DLG1: variants seen among roughly 807,000 people sequenced by gnomAD.
The protein encoded by DLG1 is disks large homolog 1.
DLG1 carries 42 observed loss-of-function variants against 123.4 expected under a neutral mutation model. That is an observed-to-expected ratio of 0.34 (90% CI 0.27 to 0.44). The LOEUF is 0.44. DLG1 is among the 20% of genes least tolerant of loss of function. The pLI, the probability that DLG1 is intolerant of heterozygous loss-of-function variation, is 1.00. For synonymous variants in DLG1, 317 were observed against 356.2 expected (o/e 0.89, Z 1.24); for missense variants, 942 against 1,082.6 (o/e 0.87, Z 1.82).
intron 4 of DLG1, among the ~76,000 whole-genome samples, chr3:197,245,298 C>T (rs974110330): frequency 3.0e-4 from 45 of 152,080 alleles, no homozygotes; most frequent in African/African-American, 9.4e-4. Flanking sequence ...AGTGTCTTAA[C>T]TACATTGTTG....
chr3:197,113,898 G>A (rs1327976912), intron 13 of DLG1, among the ~76,000 whole-genome samples: 3 of 152,050 alleles, frequency 2.0e-5, no homozygotes, highest in Admixed American at 6.5e-5. Context: ...CAGGAATATC[G>A]TTTGAGCCCG....
At chr3:197,201,383 C>CA (rs1181986255) in intron 4 of DLG1, among the ~76,000 whole-genome samples, 8 of 151,954 alleles carry the variant, frequency 5.3e-5, no homozygotes, top group Non-Finnish European at 8.8e-5. Context: ...GACTCCGTCT[C>CA]AAAAAACAAA....
Position 197,136,566 on chromosome 3 carries a change from A to C in DLG1, c.996T>G (p.Leu332=). 2 of 1,612,398 alleles carry C rather than the reference A, an allele frequency of 1.2e-6. No individual in the cohort carries two copies. Among genetic ancestry groups the C allele is most frequent in the Non-Finnish European group, 1.7e-6 (2 of 1,179,374 alleles). Residue 332 remains leucine, a synonymous_variant, in exon 10 of 25, where the codon CTT becomes CTG. Coordinates refer to ENST00000667157, the MANE Select transcript of DLG1 (RefSeq NM_001366207.1). Reference sequence around the variant, plus strand: ...CTGCTAAAAGTTTATCTCCAATCTGAAGTTTGCCATCCTTATGTGCTGCAC... The same window carrying C: ...CTGCTAAAAGTTTATCTCCAATCTGCAGTTTGCCATCCTTATGTGCTGCAC... The part of the protein sequence containing the change: ...EGGAAHKDGK[L]QIGDKLLAVN...
At chr3:197,189,074 T>C (rs1717758224) in intron 5 of DLG1, among the ~76,000 whole-genome samples, 1 of 152,222 alleles carries the variant, frequency 6.6e-6, no homozygotes, top group African/African-American at 2.4e-5. Flanking sequence ...TACAATTCTA[T>C]CAGAATACAA....
chr3:197,228,903 A>G (rs939044445), intron 4 of DLG1, among the ~76,000 whole-genome samples: 3 of 152,226 alleles, frequency 2.0e-5, no homozygotes, highest in African/African-American at 7.2e-5. Context: ...CAGAAAAATT[A>G]TCAAAAGCTT....
intron 3 of DLG1, among the ~76,000 whole-genome samples, chr3:197,286,788 G>C (rs1447253423): frequency 6.6e-6 from 1 of 152,022 alleles, no homozygotes; most frequent in African/African-American, 2.4e-5. Flanking sequence ...GAGTGCAATG[G>C]TATGATCATG....
chr3:197,139,155 A>G (rs1786639446), intron 8 of DLG1, among the ~76,000 whole-genome samples: 1 of 152,170 alleles, frequency 6.6e-6, no homozygotes, highest in South Asian at 2.1e-4. Context: ...CCTTTTCCCT[A>G]GTTCTGGTCT....
chr3:197,196,448 A>C (rs752831795), intron 4 of DLG1, among the ~76,000 whole-genome samples: 24 of 152,098 alleles, frequency 1.6e-4, no homozygotes, highest in Non-Finnish European at 3.5e-4. Context: ...AACATAGAAA[A>C]CCTAACACAG....
intron 5 of DLG1, among the ~76,000 whole-genome samples, chr3:197,159,587 A>G: frequency 6.6e-6 from 1 of 152,310 alleles, no homozygotes; most frequent in East Asian, 1.9e-4. Context: ...TATTCACTTA[A>G]TATGTTGAAA....
At chr3:197,292,121 A>G (rs776052959) in intron 3 of DLG1, among the ~76,000 whole-genome samples, 4 of 152,192 alleles carry the variant, frequency 2.6e-5, no homozygotes, top group Non-Finnish European at 5.9e-5. Flanking sequence ...TTCTGGGTAA[A>G]TATCCAAAAG....
chr3:197,125,880 C>A (rs1241448121), intron 11 of DLG1, among the ~76,000 whole-genome samples: 1 of 152,174 alleles, frequency 6.6e-6, no homozygotes, highest in Non-Finnish European at 1.5e-5. Flanking sequence ...AACACCAGAT[C>A]ACCACAGCCA....
intron 4 of DLG1, among the ~76,000 whole-genome samples, chr3:197,201,457 G>T (rs1232691980): frequency 6.6e-6 from 1 of 152,218 alleles, no homozygotes; most frequent in African/African-American, 2.4e-5. Context: ...AATGAATTCA[G>T]TAAAGTTTCA....
intron 13 of DLG1, among the ~76,000 whole-genome samples, chr3:197,107,927 A>G (rs1310217731): frequency 6.6e-6 from 1 of 151,894 alleles, no homozygotes; most frequent in Non-Finnish European, 1.5e-5. Context: ...GTCTCTCACC[A>G]TTTAGTATGA....
At chr3:197,150,871 A>ATG (rs1483434968) in intron 5 of DLG1, among the ~76,000 whole-genome samples, 1 of 152,110 alleles carries the variant, frequency 6.6e-6, no homozygotes. Context: ...ATTAAACAGT[A>ATG]TGCATTTGGG....
At chr3:197,181,664 A>G (rs1348049249) in intron 5 of DLG1, among the ~76,000 whole-genome samples, 1 of 152,228 alleles carries the variant, frequency 6.6e-6, no homozygotes, top group Admixed American at 6.5e-5. Context: ...TGTATCAGTT[A>G]CAAAAATGTA....
chr3:197,117,796 T>C (rs1774126009), intron 12 of DLG1, among the ~76,000 whole-genome samples: 2 of 152,176 alleles, frequency 1.3e-5, no homozygotes, highest in Non-Finnish European at 2.9e-5. Context: ...ATTGTACACT[T>C]AAAAATAGTT....
At chr3:197,199,582 G>C (rs756708949) in intron 4 of DLG1, among the ~76,000 whole-genome samples, 2 of 152,042 alleles carry the variant, frequency 1.3e-5, no homozygotes, top group Non-Finnish European at 2.9e-5. Flanking sequence ...TTGGATAAAG[G>C]ATGCTCAACC....
At chr3:197,100,084 T>C (rs543324485) in intron 14 of DLG1, among the ~76,000 whole-genome samples, 27 of 152,226 alleles carry the variant, frequency 1.8e-4, no homozygotes, top group South Asian at 1.5e-3. Flanking sequence ...CACAGGCGCG[T>C]AGAAAAATAC....
chr3:197,056,668 G>A (rs906588676), intron 23 of DLG1, among the ~76,000 whole-genome samples: 3 of 151,942 alleles, frequency 2.0e-5, no homozygotes, highest in Non-Finnish European at 4.4e-5. Flanking sequence ...AACATTTTCT[G>A]AAGTATATGT....
Sources: allele counts gnomAD v4.1 joint callset (sites outside exome capture counted in the v4.1 genomes callset), GRCh38; gene constraint gnomAD v4.1.1; transcripts MANE v1.5; gene names NCBI Gene and HGNC (gene_info 2026-07-23, HGNC 2026-07-21).